Variants in ABR observed in about 807,000 individuals in gnomAD.
The protein encoded by ABR is active breakpoint cluster region-related protein.
A neutral mutation model predicts 107.2 loss-of-function variants in ABR; 35 were observed. The observed-to-expected ratio is 0.33, with a 90% CI of 0.25 to 0.43. The LOEUF (loss-of-function observed/expected upper bound fraction) is 0.43, where lower values mean the gene tolerates loss of function less well. Ranked by LOEUF, ABR falls within the 20% of genes least tolerant of loss-of-function variation. The probability of loss-of-function intolerance (pLI) is 1.00; values close to 1 mark genes in which losing one functional copy is unlikely to be tolerated. For missense variants in ABR, 815 were observed against 1,115.2 expected (o/e 0.73, Z 3.83); for synonymous variants, 498 against 462.0 (o/e 1.08, Z -1.00).
rs773962381 is a variant in ABR at position 1,006,189 on chromosome 17, C to T, written c.2491-20G>A. ...CTGGACCTGTGGGGAGACAGGAAGG[C>T]GGAGGCTGGGCTCCCTGTCCTAGGC... On this transcript the variant is annotated intron_variant, in intron 22 of 22. Transcript: ENST00000302538. 2.1e-5 allele frequency: 32 copies of T among 1,551,400 alleles called. No individual in the cohort carries two copies. In the East Asian group the frequency reaches 2.2e-4, roughly 10 times the overall value.
chr17:1,057,544 A>G (rs1325328286), intron 12 of ABR, among the ~76,000 whole-genome samples: 1 of 151,508 alleles, frequency 6.6e-6, no homozygotes, highest in Admixed American at 6.6e-5. Flanking sequence ...CACCTGGCTA[A>G]TTTTTGTGTT....
chr17:1,175,284 C>T (rs976126325), intron 1 of ABR, among the ~76,000 whole-genome samples: 2 of 152,088 alleles, frequency 1.3e-5, no homozygotes, highest in African/African-American at 2.4e-5. Context: ...TGGTGGCGGG[C>T]ACCTGTAATC....
chr17:1,089,615 C>T (rs2036882051), intron 4 of ABR, among the ~76,000 whole-genome samples: 1 of 152,204 alleles, frequency 6.6e-6, no homozygotes, highest in Non-Finnish European at 1.5e-5. Context: ...GGTCACGGTG[C>T]ATTCACTCAT....
chr17:1,198,124 T>G (rs531326796), intron 1 of ABR, among the ~76,000 whole-genome samples: 1 of 151,638 alleles, frequency 6.6e-6, no homozygotes, highest in African/African-American at 2.4e-5. Context: ...TAACCAGAAA[T>G]GAGGAAGCTG....
intron 1 of ABR, among the ~76,000 whole-genome samples, chr17:1,175,864 G>C (rs190297149): frequency 0.018 from 2,742 of 152,256 alleles, 38 homozygotes; most frequent in Non-Finnish European, 0.028. Flanking sequence ...GGCCGAGGCG[G>C]GTGGATCACG....
intron 2 of ABR, among the ~76,000 whole-genome samples, chr17:1,113,372 C>T (rs1292282393): frequency 1.3e-5 from 2 of 148,702 alleles, no homozygotes; most frequent in East Asian, 2.0e-4. Flanking sequence ...CTGCAACCTC[C>T]GCCTCCTCGG....
intron 1 of ABR, among the ~76,000 whole-genome samples, chr17:1,165,955 A>C (rs56166959): frequency 0.27 from 39,957 of 149,978 alleles, 5,564 homozygotes; most frequent in Non-Finnish European, 0.32. Context: ...CCCAGAGCCC[A>C]CGCAGATGAC....
At chr17:1,056,928 T>C in intron 13 of ABR, 70 bp downstream of exon 13, 1 of 1,086,060 alleles carries the variant, frequency 9.2e-7, no homozygotes, top group Non-Finnish European at 1.4e-6. Context: ...GTCTGAGTCC[T>C]TACGGGAAGC....
chr17:1,203,202 G>A (rs1432240817), intron 1 of ABR, among the ~76,000 whole-genome samples: 2 of 152,162 alleles, frequency 1.3e-5, no homozygotes, highest in Non-Finnish European at 2.9e-5. Flanking sequence ...CTTTTAAAAG[G>A]TCTTTCACTT....
chr17:1,012,451 C>T (rs1049171073), intron 18 of ABR: 63 of 692,782 alleles, frequency 9.1e-5, no homozygotes, highest in Admixed American at 3.6e-4. Context: ...GAGGAGCAGA[C>T]GATCTGGGAT....
rs905116628 is a variant in ABR, at chr17:1,179,739, G to C, written c.-12C>G. 2.6e-6 allele frequency: 4 copies of C among 1,521,700 alleles called. No homozygotes were observed. The highest frequency in any genetic ancestry group is 3.5e-6 in the Non-Finnish European group (4 of 1,133,742). 94.3% of individuals were successfully genotyped at this position (1,521,700 alleles called of 1,614,324 possible). On this transcript the variant is annotated 5_prime_UTR_variant, in exon 1 of 23. Coordinates refer to ENST00000302538, the MANE Select transcript of ABR (RefSeq NM_021962.5). This position sits in a 1 kb window ranked among gnomAD's most constrained non-coding sequence, Gnocchi z 4.9. The stretch of plus-strand genomic sequence containing the variant: ...CTGAGCGGCTCCATCCCGCGGCGGC[G>C]GCTCGGTCAGATCCGAAACCCGACC...
chr17:1,115,794 C>T (rs1026807790), intron 2 of ABR, among the ~76,000 whole-genome samples: 8 of 150,716 alleles, frequency 5.3e-5, no homozygotes, highest in South Asian at 2.1e-4. Context: ...GGCGTACTGG[C>T]GGGTGCCTGT....
At chr17:1,044,820 A>G (rs1807123) in intron 16 of ABR, among the ~76,000 whole-genome samples, 84,763 of 151,864 alleles carry the variant, frequency 0.56, 24,316 homozygotes, top group East Asian at 0.83. Flanking sequence ...TCTGTCCTCC[A>G]GAACTCCCAC....
At position 1,083,616 on chromosome 17, in the gene ABR, G is replaced by C; in HGVS notation, c.543C>G (p.Leu181=). ...TATCGACAAACGCTTTGTACACACCGAGCTGGCTGGCCTGCAGGGAGGAGT... is the reference window on the plus strand; with the variant it reads ...TATCGACAAACGCTTTGTACACACCCAGCTGGCTGGCCTGCAGGGAGGAGT... ...GHLFQKLASQ[L]GVYKAFVDNY... The change falls in exon 5 of 23, where the codon CTC becomes CTG. Residue 181 remains leucine (L), a synonymous_variant. Coordinates refer to ENST00000302538, the MANE Select transcript of ABR (RefSeq NM_021962.5). The C allele has an allele frequency of 6.2e-7, 1 of 1,613,582 alleles. No individual in the cohort carries two copies. Among genetic ancestry groups the C allele is most frequent in the Non-Finnish European group, 8.5e-7 (1 of 1,179,696 alleles).
At chr17:1,202,861 G>A (rs1057056620) in intron 1 of ABR, among the ~76,000 whole-genome samples, 1 of 148,318 alleles carries the variant, frequency 6.7e-6, no homozygotes, top group East Asian at 2.0e-4. Flanking sequence ...TTAGGTTGGT[G>A]CAAAAGTAAT....
intron 3 of ABR, among the ~76,000 whole-genome samples, chr17:1,095,545 T>C (rs2037358827): frequency 6.6e-6 from 1 of 152,078 alleles, no homozygotes; most frequent in East Asian, 1.9e-4. Flanking sequence ...GGCACAGCCA[T>C]TCTGCCAAAG....
chr17:1,030,288 C>T (rs1291797796), intron 16 of ABR, among the ~76,000 whole-genome samples: 3 of 152,256 alleles, frequency 2.0e-5, no homozygotes, highest in Non-Finnish European at 4.4e-5. Flanking sequence ...AAACTGGAAG[C>T]GCCCTGTTTG....
intron 1 of ABR, among the ~76,000 whole-genome samples, chr17:1,177,271 C>T (rs951227602): frequency 6.6e-6 from 1 of 152,206 alleles, no homozygotes; most frequent in East Asian, 1.9e-4. Flanking sequence ...CATGACTGCA[C>T]AGCACCTCCC....
intron 1 of ABR, among the ~76,000 whole-genome samples, chr17:1,166,042 G>A (rs1198742077): frequency 3.1e-5 from 4 of 130,770 alleles, no homozygotes; most frequent in Non-Finnish European, 3.2e-5. Context: ...CAGAGCCCAC[G>A]CAGATGGCCT....
Sources: allele counts gnomAD v4.1 joint callset (sites outside exome capture counted in the v4.1 genomes callset), GRCh38; gene constraint gnomAD v4.1.1; non-coding constraint Gnocchi (gnomAD v3.1); transcripts MANE v1.5; gene names NCBI Gene and HGNC (gene_info 2026-07-23, HGNC 2026-07-21).